Variants in CACNA1C observed in about 807,000 individuals in gnomAD.
CACNA1C encodes voltage-dependent L-type calcium channel subunit alpha-1C.
CACNA1C carries 30 observed loss-of-function variants against 229.0 expected under a neutral mutation model. That is an observed-to-expected ratio of 0.13 (90% CI 0.10 to 0.18). The LOEUF (loss-of-function observed/expected upper bound fraction) is 0.18, where lower values mean the gene tolerates loss of function less well. Ranked by LOEUF, CACNA1C falls within the 10% of genes least tolerant of loss-of-function variation. The pLI is 1.00. For missense variants in CACNA1C, 1,658 were observed against 2,845.0 expected (o/e 0.58, Z 9.49); for synonymous variants, 1,114 against 1,132.5 (o/e 0.98, Z 0.33).
At chr12:2,460,785 T>C (rs2099495575) in intron 5 of CACNA1C, among the ~76,000 whole-genome samples, 1 of 152,244 alleles carries the variant, frequency 6.6e-6, no homozygotes, top group Non-Finnish European at 1.5e-5. Flanking sequence ...TCCATGCTTA[T>C]GCATAGGAGC....
Position 2,053,805 on chromosome 12 carries a change from G to C in CACNA1C, c.49+194G>C, listed in dbSNP as rs1439148202. Among the ~76,000 whole-genome samples, 1 of 150,346 alleles carries C rather than the reference G, an allele frequency of 6.7e-6. No individual in the cohort carries two copies. The highest frequency in any genetic ancestry group is 2.4e-5 in the African/African-American group (1 of 41,170). Reference sequence around the variant, plus strand: ...GGGGCCCGAACCGCCGCGCGAGACGGAGCGGAAAATTCCCGCCCCTCCCCC... The same window carrying C: ...GGGGCCCGAACCGCCGCGCGAGACGCAGCGGAAAATTCCCGCCCCTCCCCC... On this transcript the variant is annotated intron_variant, in intron 1 of 46. Coordinates refer to ENST00000399655, the MANE Select transcript of CACNA1C (RefSeq NM_000719.7). The surrounding 1 kb of genome is among the most constrained non-coding windows in gnomAD (Gnocchi z 5.8).
chr12:2,485,345 T>C (rs2099693658), intron 5 of CACNA1C, among the ~76,000 whole-genome samples: 2 of 152,158 alleles, frequency 1.3e-5, no homozygotes, highest in African/African-American at 4.8e-5. Context: ...ACCACCTTCC[T>C]GTCATTTGCA....
At chr12:2,058,979 GT>G (rs2056377360) in intron 1 of CACNA1C, among the ~76,000 whole-genome samples, 1 of 152,118 alleles carries the variant, frequency 6.6e-6, no homozygotes, top group Non-Finnish European at 1.5e-5. Flanking sequence ...GACCCTCTTG[GT>G]TTCTATAGTT....
At position 2,608,776 on chromosome 12, in the gene CACNA1C, A is replaced by C. The variant is rs1601935872; in HGVS notation, c.3558+64A>C. On this transcript the variant is annotated intron_variant, in intron 27 of 46. Transcript: ENST00000399655. This position sits in a 1 kb window ranked among gnomAD's most constrained non-coding sequence, Gnocchi z 4.2. ...CGGAGGGAATGGCAGCCTGCGGCCCACCCCGCAGAGGGGCTGCGACAGGGA... is the reference window on the plus strand; with the variant it reads ...CGGAGGGAATGGCAGCCTGCGGCCCCCCCCGCAGAGGGGCTGCGACAGGGA... 1 of 1,536,010 alleles carries C rather than the reference A, an allele frequency of 6.5e-7. No individual in the cohort carries two copies. Among genetic ancestry groups the C allele is most frequent in the South Asian group, 1.2e-5 (1 of 86,742 alleles).
rs117820533 is a variant in CACNA1C, at chr12:2,214,945, C to T, written c.477+94515C>T. Among the ~76,000 whole-genome samples, 1,145 of 152,188 alleles carry T rather than the reference C, an allele frequency of 7.5e-3. 16 individuals carry two copies. The highest frequency in any genetic ancestry group is 0.045 in the South Asian group (217 of 4,812). On this transcript the variant is annotated intron_variant, in intron 3 of 46. Coordinates refer to ENST00000399655, the MANE Select transcript of CACNA1C (RefSeq NM_000719.7). ...CTCAAGAAGAGAGAAGAGGAGTGTTCAGTGTCTTCTCCCCACGTCCCCTTT... is the reference window on the plus strand; with the variant it reads ...CTCAAGAAGAGAGAAGAGGAGTGTTTAGTGTCTTCTCCCCACGTCCCCTTT...
intron 13 of CACNA1C, among the ~76,000 whole-genome samples, chr12:2,572,356 C>CT (rs1412338788): frequency 3.6e-5 from 2 of 56,154 alleles, no homozygotes; most frequent in Non-Finnish European, 7.6e-5. Context: ...TCCTCCTCCT[C>CT]TCCTCCTCCT....
chr12:2,174,054 C>T (rs2096572907), intron 3 of CACNA1C, among the ~76,000 whole-genome samples: 1 of 152,018 alleles, frequency 6.6e-6, no homozygotes, highest in Admixed American at 6.6e-5. Flanking sequence ...AGATTTATTA[C>T]ATAATATGTT....
intron 3 of CACNA1C, among the ~76,000 whole-genome samples, chr12:2,166,567 G>T (rs561566705): frequency 6.6e-6 from 1 of 152,074 alleles, no homozygotes; most frequent in East Asian, 1.9e-4. Flanking sequence ...GGAATTTATC[G>T]GTTACTAATT....
intron 1 of CACNA1C, among the ~76,000 whole-genome samples, chr12:2,112,239 T>C (rs1163552990): frequency 6.6e-6 from 1 of 152,220 alleles, no homozygotes; most frequent in Non-Finnish European, 1.5e-5. Context: ...GCAGTTCTCA[T>C]GCTTTGGGTG....
intron 1 of CACNA1C, among the ~76,000 whole-genome samples, chr12:2,045,845 T>C (rs2050953789): frequency 6.6e-6 from 1 of 151,890 alleles, no homozygotes; most frequent in Non-Finnish European, 1.5e-5. Flanking sequence ...AAAGGGTCTT[T>C]GCAGATGTAA....
chr12:2,687,985 G>A (rs1323298567), intron 45 of CACNA1C, among the ~76,000 whole-genome samples: 1 of 152,242 alleles, frequency 6.6e-6, no homozygotes, highest in African/African-American at 2.4e-5. Flanking sequence ...TTTGTGAGGT[G>A]CACAGCGCTT....
chr12:2,604,394 G>A (rs918516877), intron 22 of CACNA1C, among the ~76,000 whole-genome samples: 10 of 152,160 alleles, frequency 6.6e-5, no homozygotes, highest in African/African-American at 2.2e-4. Context: ...GGAGTCCTGA[G>A]TGTGCTCTGG....
chr12:2,216,734 A>G (rs1182533441), intron 3 of CACNA1C, among the ~76,000 whole-genome samples: 1 of 152,186 alleles, frequency 6.6e-6, no homozygotes, highest in Non-Finnish European at 1.5e-5. Context: ...ATTTTTTGAA[A>G]GCACCCCCAG....
intron 3 of CACNA1C, among the ~76,000 whole-genome samples, chr12:2,411,804 G>A (rs1005137317): frequency 6.6e-6 from 1 of 152,254 alleles, no homozygotes; most frequent in Non-Finnish European, 1.5e-5. Context: ...TGCTGGGCTG[G>A]AGGCAGAAAG....
chr12:2,461,481 C>T (rs892918961), intron 5 of CACNA1C, among the ~76,000 whole-genome samples: 1 of 152,196 alleles, frequency 6.6e-6, no homozygotes, highest in Non-Finnish European at 1.5e-5. Context: ...CGTCCAGCCT[C>T]CTGGTGTTAA....
chr12:2,211,700 T>C (rs2097919844), intron 3 of CACNA1C, among the ~76,000 whole-genome samples: 1 of 151,146 alleles, frequency 6.6e-6, no homozygotes, highest in Non-Finnish European at 1.5e-5. Context: ...TTTCACCTGT[T>C]ACTCTTTCTG....
upstream of CACNA1C, among the ~76,000 whole-genome samples, chr12:2,052,776 G>C (rs1444359755): frequency 6.9e-6 from 1 of 145,568 alleles, no homozygotes; most frequent in Non-Finnish European, 1.5e-5. Context: ...CGGGCGCCGG[G>C]AGGGGGCCCG....
rs180672346 is a variant in CACNA1C, at chr12:2,641,498, A to G, written c.3913-6977A>G. 8 of 571,228 alleles carry G rather than the reference A, an allele frequency of 1.4e-5. No homozygotes were observed. In the Admixed American group the frequency reaches 1.8e-4, roughly 13 times the overall value. 35.4% of individuals were successfully genotyped at this position (571,228 alleles called of 1,614,324 possible). On this transcript the variant is annotated intron_variant, in intron 30 of 46. Transcript: ENST00000399655. ...GGGTGGGGCAGAGGTTATCCTTGACATCTCCCTCCAGCCCCCCTTCTCATT... is the reference window on the plus strand; with the variant it reads ...GGGTGGGGCAGAGGTTATCCTTGACGTCTCCCTCCAGCCCCCCTTCTCATT...
rs960485263 is a variant in CACNA1C, at chr12:2,610,769, G to A, written c.3717+70G>A. On this transcript the variant is annotated intron_variant, in intron 28 of 46. Transcript: ENST00000399655. The stretch of plus-strand genomic sequence containing the variant: ...GTGCCATGGGGATGGAAAGTGTAAC[G>A]GAGCGGCAGGCAGCTCAGTGCATCG... The A allele has an allele frequency of 9.2e-6, 14 of 1,515,662 alleles. No individual in the cohort carries two copies. In the Admixed American group the frequency reaches 1.2e-4, roughly 13 times the overall value. The allele number at this position is 1,515,662 out of a possible 1,614,324, so 93.9% of individuals were successfully genotyped here.
Sources: allele counts gnomAD v4.1 joint callset (sites outside exome capture counted in the v4.1 genomes callset), GRCh38; gene constraint gnomAD v4.1.1; non-coding constraint Gnocchi (gnomAD v3.1); transcripts MANE v1.5; gene names NCBI Gene and HGNC (gene_info 2026-07-23, HGNC 2026-07-21).